MYO9A: variants seen among roughly 807,000 people sequenced by gnomAD.
MYO9A encodes the protein myosin IXA.
In MYO9A, 103 loss-of-function variants were observed where a neutral mutation model predicts 293.3. The observed-to-expected ratio is 0.35, with a 90% CI of 0.30 to 0.41. The LOEUF (loss-of-function observed/expected upper bound fraction) is 0.41, where lower values mean the gene tolerates loss of function less well. Among genes scored for constraint, MYO9A ranks in the 10% least tolerant of loss-of-function variants. The pLI, the probability that MYO9A is intolerant of heterozygous loss-of-function variation, is 1.00. For missense variants in MYO9A, 2,685 were observed against 3,033.0 expected (o/e 0.89, Z 2.69); for synonymous variants, 1,001 against 1,035.7 (o/e 0.97, Z 0.64).
chr15:72,055,322 A>G (rs1325211792), intron 1 of MYO9A, among the ~76,000 whole-genome samples: 1 of 152,212 alleles, frequency 6.6e-6, no homozygotes, highest in East Asian at 1.9e-4. Context: ...TTATACAAAA[A>G]TCAACTCAAA....
At chr15:71,936,166 A>G (rs1450503986) in intron 16 of MYO9A, among the ~76,000 whole-genome samples, 1 of 152,174 alleles carries the variant, frequency 6.6e-6, no homozygotes, top group South Asian at 2.1e-4. Context: ...TCATTTGGAC[A>G]ACATGGACAA....
intron 1 of MYO9A, among the ~76,000 whole-genome samples, chr15:72,100,485 G>A (rs1043116055): frequency 4.6e-5 from 7 of 151,584 alleles, no homozygotes; most frequent in African/African-American, 1.2e-4. Context: ...GAGCGTCTCC[G>A]ACCGGCCGCC....
chr15:72,088,575 C>A (rs954537778), intron 1 of MYO9A, among the ~76,000 whole-genome samples: 4 of 152,198 alleles, frequency 2.6e-5, no homozygotes, highest in African/African-American at 9.6e-5. Context: ...TACACCCTCA[C>A]CTCCCTTGAC....
At chr15:72,055,076 G>A (rs1226811882) in intron 1 of MYO9A, among the ~76,000 whole-genome samples, 1 of 152,136 alleles carries the variant, frequency 6.6e-6, no homozygotes, top group East Asian at 1.9e-4. Context: ...AGTGGGTGCT[G>A]AAAGAAAACA....
chr15:71,932,425 T>A (rs2058503885), intron 18 of MYO9A, among the ~76,000 whole-genome samples: 2 of 151,990 alleles, frequency 1.3e-5, no homozygotes, highest in African/African-American at 2.4e-5. Context: ...AATAAACTCC[T>A]TCCAAGGATA....
intron 18 of MYO9A, among the ~76,000 whole-genome samples, chr15:71,926,146 C>T (rs754864160): frequency 4.6e-5 from 7 of 152,088 alleles, no homozygotes; most frequent in Admixed American, 6.5e-5. Flanking sequence ...AGTCAACATC[C>T]GATGTTACTG....
At chr15:71,873,933 AT>A (rs1405566062) in intron 32 of MYO9A, among the ~76,000 whole-genome samples, 1 of 152,098 alleles carries the variant, frequency 6.6e-6, no homozygotes, top group Non-Finnish European at 1.5e-5. Flanking sequence ...AATCTCATTT[AT>A]TTTCACAAAA....
intron 13 of MYO9A, among the ~76,000 whole-genome samples, chr15:71,961,683 G>C (rs767293200): frequency 6.6e-6 from 1 of 152,228 alleles, no homozygotes; most frequent in East Asian, 1.9e-4. Context: ...TGTGAGTCTG[G>C]AGTGCTAGGG....
chr15:72,023,086 C>A (rs1175018436), intron 4 of MYO9A, among the ~76,000 whole-genome samples: 1 of 151,988 alleles, frequency 6.6e-6, no homozygotes, highest in Admixed American at 6.6e-5. Context: ...CAAATAGAGA[C>A]TAATATACAG....
At chr15:72,041,099 G>T (rs780527296) in intron 2 of MYO9A, 1 of 509,906 alleles carries the variant, frequency 2.0e-6, no homozygotes, top group Non-Finnish European at 3.8e-6. Context: ...ACAAAAATTA[G>T]CCAGGTGTGG....
In MYO9A at chr15:72,082,287, G is replaced by A. The variant is rs188289441; in HGVS notation, c.-72+35393C>T. 4.8e-3 allele frequency among the ~76,000 whole-genome samples: 736 copies of A among 152,176 alleles called. 9 individuals are homozygous for A. The highest frequency in any genetic ancestry group is 6.2e-3 in the Non-Finnish European group (420 of 67,962). The stretch of plus-strand genomic sequence containing the variant: ...CTAGGTATTTTATTCCTTTTGTGAT[G>A]ATTGTGAATGGGATTTGTGTTCCTA... On this transcript the variant is annotated intron_variant, in intron 1 of 41. Coordinates refer to ENST00000356056, the MANE Select transcript of MYO9A (RefSeq NM_006901.4).
At chr15:71,879,322 C>CATTAAAA (rs1388126494) in intron 30 of MYO9A, among the ~76,000 whole-genome samples, 3 of 152,064 alleles carry the variant, frequency 2.0e-5, no homozygotes, top group African/African-American at 7.2e-5. Context: ...AACTAACTGC[C>CATTAAAA]CTAATTCCAT....
intron 15 of MYO9A, among the ~76,000 whole-genome samples, chr15:71,939,923 C>A (rs1369667715): frequency 1.3e-5 from 2 of 152,154 alleles, no homozygotes; most frequent in Admixed American, 6.5e-5. Flanking sequence ...TGCAAAACTA[C>A]AAGAAACAAA....
At position 72,094,174 on chromosome 15, in the gene MYO9A, C is replaced by T. The variant is rs2080005973; in HGVS notation, c.-72+23506G>A. Among the ~76,000 whole-genome samples the T allele has an allele frequency of 2.3e-5, 2 of 88,472 alleles. 1 individual carries two copies. The highest frequency in any genetic ancestry group is 6.8e-5 in the Non-Finnish European group (2 of 29,268). 58.0% of individuals were successfully genotyped at this position (88,472 alleles called of 152,430 possible). On this transcript the variant is annotated intron_variant, in intron 1 of 41. Transcript: ENST00000356056. ...GCAGTGAGCTATGATCACACCACTG[C>T]ACTCCAGCTGGGAAACAGAGCAAGA...
intron 12 of MYO9A, among the ~76,000 whole-genome samples, chr15:71,968,630 A>G (rs1313660231): frequency 6.6e-6 from 1 of 152,204 alleles, no homozygotes; most frequent in African/African-American, 2.4e-5. Context: ...GTACTGATCA[A>G]CTGAGCACTT....
At chr15:71,935,071 C>T in intron 17 of MYO9A, 1 of 273,062 alleles carries the variant, frequency 3.7e-6, no homozygotes, top group African/African-American at 2.2e-5. Flanking sequence ...AACAATAAGA[C>T]CTTTATTATC....
intron 1 of MYO9A, among the ~76,000 whole-genome samples, chr15:72,079,151 G>A (rs967853598): frequency 6.6e-6 from 1 of 152,120 alleles, no homozygotes; most frequent in African/African-American, 2.4e-5. Context: ...CTCATCAACT[G>A]TAACAAATGG....
intron 27 of MYO9A, 44 bp from the exon 28 acceptor site, chr15:71,883,780 C>T (rs1280100735): frequency 2.6e-6 from 4 of 1,534,446 alleles, no homozygotes; most frequent in East Asian, 2.3e-5. Context: ...AAGAGTATCT[C>T]AGTGATAATA....
At chr15:71,902,665 G>A (rs2057519262) in intron 22 of MYO9A, among the ~76,000 whole-genome samples, 1 of 152,120 alleles carries the variant, frequency 6.6e-6, no homozygotes, top group South Asian at 2.1e-4. Flanking sequence ...AGATGAATCT[G>A]GATATGGTCA....
Sources: gnomAD v4.1 joint callset for allele counts (sites outside exome capture counted in the v4.1 genomes callset) on GRCh38, gnomAD v4.1.1 for gene constraint, MANE v1.5 for transcripts, NCBI Gene and HGNC (gene_info 2026-07-23, HGNC 2026-07-21) for gene names.